CDK17: variants seen among roughly 807,000 people sequenced by gnomAD.
CDK17 encodes cyclin-dependent kinase 17.
In CDK17, 24 loss-of-function variants were observed where a neutral mutation model predicts 77.6. The ratio of observed to expected loss-of-function variants is 0.31; its 90% CI spans 0.22 to 0.44. The LOEUF is 0.44. Among genes scored for constraint, CDK17 ranks in the 20% least tolerant of loss-of-function variants. CDK17 has a pLI of 1.00. For missense variants in CDK17, 429 were observed against 622.5 expected, an observed-to-expected ratio of 0.69 and a Z score of 3.31; for synonymous variants, 203 against 210.4, an observed-to-expected ratio of 0.96 and a Z score of 0.30.
At chr12:96,314,152 G>A (rs1952677387) in intron 3 of CDK17, among the ~76,000 whole-genome samples, 1 of 152,190 alleles carries the variant, frequency 6.6e-6, no homozygotes, top group Admixed American at 6.5e-5. Context: ...TTAAATGGAA[G>A]TAGGGGGAGG....
rs117317717 is a variant in CDK17 at position 96,384,633 on chromosome 12, T to C, written c.-30+15353A>G. ...CAACATGGATGCAGCTGGAGACCAT[T>C]ATCCTCAGTGAATTACTGCAAGAAC... On this transcript the variant is annotated intron_variant, in intron 1 of 16. Coordinates refer to ENST00000261211, the MANE Select transcript of CDK17 (RefSeq NM_002595.5). 8.5e-4 allele frequency among the ~76,000 whole-genome samples: 129 copies of C among 152,328 alleles called. 1 individual carries two copies. In the East Asian group the frequency reaches 0.016, roughly 19 times the overall value.
intron 1 of CDK17, among the ~76,000 whole-genome samples, chr12:96,345,258 T>C (rs1953187298): frequency 6.6e-6 from 1 of 152,242 alleles, no homozygotes; most frequent in Admixed American, 6.5e-5. Context: ...TTCCATGTCT[T>C]TGCTGTTGTG....
At chr12:96,314,489 T>C (rs374049118) in intron 3 of CDK17, among the ~76,000 whole-genome samples, 131 of 152,336 alleles carry the variant, frequency 8.6e-4, no homozygotes, top group African/African-American at 3.1e-3. Context: ...GAGCTACTTA[T>C]ATCCTACTGC....
intron 3 of CDK17, among the ~76,000 whole-genome samples, chr12:96,319,206 G>T (rs1176696350): frequency 6.6e-6 from 1 of 151,760 alleles, no homozygotes; most frequent in Non-Finnish European, 1.5e-5. Flanking sequence ...TAGAAGAAAT[G>T]GATACATTCC....
At chr12:96,382,110 C>G (rs1953893133) in intron 1 of CDK17, among the ~76,000 whole-genome samples, 1 of 143,328 alleles carries the variant, frequency 7.0e-6, no homozygotes, top group Non-Finnish European at 1.5e-5. Flanking sequence ...TAAGGAAATG[C>G]AAAATGGTGT....
Position 96,294,584 on chromosome 12 carries a change from CAAAAAA to C in CDK17, c.997+409_997+414del, listed in dbSNP as rs11313631. Among the ~76,000 whole-genome samples, 170 of 54,376 alleles carry C rather than the reference CAAAAAA, an allele frequency of 3.1e-3. 2 individuals are homozygous for C. The South Asian group carries it at 0.036, about 11-fold the overall frequency. The allele number at this position is 54,376 out of a possible 152,430, so 35.7% of individuals were successfully genotyped here. ...GGCTTTAACAGCAAAATGCTGTCTT[CAAAAAA>C]AAAAAAAAAAAAAAAAAAAAAGATA... On this transcript the variant is annotated intron_variant, in intron 10 of 16. Coordinates refer to ENST00000261211, the MANE Select transcript of CDK17 (RefSeq NM_002595.5).
At chr12:96,342,560 TCAAACAAA>T (rs747936512) in intron 1 of CDK17, among the ~76,000 whole-genome samples, 1 of 151,838 alleles carries the variant, frequency 6.6e-6, no homozygotes, top group Admixed American at 6.6e-5. Context: ...AGATGCCATG[TCAAACAAA>T]CAAACAAACA....
In CDK17 at chr12:96,334,794, T is replaced by A; in HGVS notation, c.43A>T (p.Ser15Cys). The A allele has an allele frequency of 6.2e-7, 1 of 1,611,472 alleles. No individual in the cohort carries two copies. Among genetic ancestry groups the A allele is most frequent in the East Asian group, 2.2e-5 (1 of 44,776 alleles). Reference protein sequence around the residue: ...KRRLSLTLRGSQTIDESLSEL... With the variant: ...KRRLSLTLRGCQTIDESLSEL... ...GACAATGATTCATCAATAGTCTGACTTCCTCGGAGTGTGAGGGATAGCCTT... is the reference window on the plus strand; with the variant it reads ...GACAATGATTCATCAATAGTCTGACATCCTCGGAGTGTGAGGGATAGCCTT... Residue 15 changes from serine to cysteine, a missense_variant, in exon 2 of 17, where the codon AGT becomes TGT. By Grantham distance (112) the Ser-to-Cys change is moderately radical. This residue lies in a region of CDK17 where 262 missense variants were observed against 385.4 expected (regional missense o/e 0.68). Transcript: ENST00000261211.
chr12:96,287,338 G>C (rs1274182005), intron 11 of CDK17, among the ~76,000 whole-genome samples: 1 of 152,098 alleles, frequency 6.6e-6, no homozygotes, highest in Non-Finnish European at 1.5e-5. Flanking sequence ...GTGGTTCTTA[G>C]AACAGTCATC....
intron 9 of CDK17, among the ~76,000 whole-genome samples, chr12:96,296,695 A>G (rs111251584): frequency 2.5e-3 from 385 of 152,330 alleles, no homozygotes; most frequent in Non-Finnish European, 4.5e-3. Flanking sequence ...TACTCAGTTA[A>G]TAACTTTTGG....
chr12:96,360,238 A>G (rs1290966460), intron 1 of CDK17, among the ~76,000 whole-genome samples: 1 of 152,212 alleles, frequency 6.6e-6, no homozygotes, highest in Non-Finnish European at 1.5e-5. Context: ...AGTACATTGA[A>G]GGAAACAGGG....
chr12:96,334,394 TA>T (rs1217019042), intron 2 of CDK17, among the ~76,000 whole-genome samples: 2 of 151,978 alleles, frequency 1.3e-5, no homozygotes, highest in Admixed American at 6.6e-5. Context: ...GTTATAAGAA[TA>T]AAAAAAATTA....
At chr12:96,281,981 A>G (rs1462772737) in intron 15 of CDK17, 1 of 152,254 alleles carries the variant, frequency 6.6e-6, no homozygotes, top group African/African-American at 2.4e-5. Context: ...GTTAAGAGTA[A>G]AATCAATGTT....
chr12:96,370,114 CAGGT>C (rs1447590137), intron 1 of CDK17, among the ~76,000 whole-genome samples: 4 of 152,198 alleles, frequency 2.6e-5, no homozygotes, highest in African/African-American at 9.7e-5. Flanking sequence ...CAAATCTTAT[CAGGT>C]GTTTAGGATA....
At chr12:96,387,202 G>T in intron 1 of CDK17, 1 of 252,894 alleles carries the variant, frequency 4.0e-6, no homozygotes, top group Non-Finnish European at 8.3e-6. Context: ...CATCCTAGCA[G>T]TGCCGTCATT....
chr12:96,393,713 G>A (rs1432109568), intron 1 of CDK17, among the ~76,000 whole-genome samples: 1 of 151,960 alleles, frequency 6.6e-6, no homozygotes, highest in African/African-American at 2.4e-5. Context: ...AACCTGGGTG[G>A]CAGAGTGAGA....
At chr12:96,338,311 T>C (rs1181240610) in intron 1 of CDK17, among the ~76,000 whole-genome samples, 1 of 152,206 alleles carries the variant, frequency 6.6e-6, no homozygotes, top group Non-Finnish European at 1.5e-5. Context: ...ACATACCTTT[T>C]CCCTTTGTTG....
chr12:96,338,880 C>T (rs1267327011), intron 1 of CDK17, among the ~76,000 whole-genome samples: 1 of 151,668 alleles, frequency 6.6e-6, no homozygotes, highest in African/African-American at 2.4e-5. Flanking sequence ...TATTGTTCTG[C>T]ATCTACCACC....
chr12:96,308,607 T>C (rs1296744715), intron 5 of CDK17, among the ~76,000 whole-genome samples: 1 of 151,586 alleles, frequency 6.6e-6, no homozygotes, highest in African/African-American at 2.4e-5. Context: ...CGCATACCTA[T>C]AATCCCAGCT....
Sources: allele counts gnomAD v4.1 joint callset (sites outside exome capture counted in the v4.1 genomes callset), GRCh38; gene constraint gnomAD v4.1.1; regional missense constraint gnomAD v4.1.1; transcripts MANE v1.5; gene names NCBI Gene and HGNC (gene_info 2026-07-23, HGNC 2026-07-21).